Variants in TMEM164 observed in about 807,000 individuals in gnomAD.
The protein encoded by TMEM164 is RP13-360B22.2.
TMEM164 carries 4 observed loss-of-function variants against 18.8 expected under a neutral mutation model. The observed-to-expected ratio is 0.21, with a 90% CI of 0.10 to 0.49. The LOEUF (loss-of-function observed/expected upper bound fraction) is 0.49. Ranked by LOEUF, TMEM164 falls within the 20% of genes least tolerant of loss-of-function variation. The pLI, the probability that TMEM164 is intolerant of heterozygous loss-of-function variation, is 0.98. For synonymous variants in TMEM164, 86 were observed against 101.7 expected (o/e 0.85, Z 0.93); for missense variants, 108 against 239.9 (o/e 0.45, Z 3.63).
intron 2 of TMEM164, among the ~76,000 whole-genome samples, chrX:110,043,445 G>A (rs781439537): frequency 1.8e-5 from 2 of 111,870 alleles, no homozygotes; most frequent in Non-Finnish European, 3.8e-5. Context: ...CCATGTGTTT[G>A]ATCTCTTTAC....
At chrX:110,095,727 C>T (rs1483126053) in intron 3 of TMEM164, among the ~76,000 whole-genome samples, 2 of 112,401 alleles carry the variant, frequency 1.8e-5, no homozygotes, top group African/African-American at 3.2e-5. Context: ...CCATTGCTAG[C>T]GAGGAGCTAT....
chrX:110,063,859 G>T (rs1019412319), intron 2 of TMEM164, among the ~76,000 whole-genome samples: 1 of 110,996 alleles, frequency 9.0e-6, no homozygotes, highest in African/African-American at 3.3e-5. Flanking sequence ...CTGGCTGATG[G>T]CACAGGTGTG....
intron 2 of TMEM164, among the ~76,000 whole-genome samples, chrX:110,044,219 A>G (rs1455160565): frequency 1.8e-5 from 2 of 112,870 alleles, no homozygotes; most frequent in African/African-American, 6.4e-5. Flanking sequence ...ATAAGACTAC[A>G]TATCAAATTC....
chrX:110,132,999 C>T, intron 4 of TMEM164, among the ~76,000 whole-genome samples: 1 of 111,960 alleles, frequency 8.9e-6, no homozygotes, highest in African/African-American at 3.3e-5. Flanking sequence ...TATTTCCTCA[C>T]AGTTCTGGAG....
At chrX:110,012,260 C>T (rs1045081236) in intron 2 of TMEM164, among the ~76,000 whole-genome samples, 4 of 111,940 alleles carry the variant, frequency 3.6e-5, no homozygotes, top group East Asian at 2.8e-4. Flanking sequence ...CTCTTCTTCC[C>T]TGTTTCCAAG....
chrX:110,094,832 A>G (rs2065988403), intron 3 of TMEM164, among the ~76,000 whole-genome samples: 1 of 111,241 alleles, frequency 9.0e-6, no homozygotes, highest in Admixed American at 9.6e-5. Context: ...GTTTCTTTCC[A>G]TGTTTAGTGT....
intron 3 of TMEM164, among the ~76,000 whole-genome samples, chrX:110,096,497 A>T (rs2066020988): frequency 2.7e-5 from 3 of 112,769 alleles, no homozygotes; most frequent in African/African-American, 9.7e-5. Context: ...CAGGTGCGAG[A>T]TATAATCTCC....
chrX:110,122,122 A>G (rs2066457848), intron 4 of TMEM164, among the ~76,000 whole-genome samples: 1 of 110,716 alleles, frequency 9.0e-6, no homozygotes, highest in Admixed American at 9.7e-5. Flanking sequence ...AGACACATGC[A>G]CATGTATGTT....
At chrX:110,058,891 A>C (rs181178268) in intron 2 of TMEM164, among the ~76,000 whole-genome samples, 149 of 109,371 alleles carry the variant, frequency 1.4e-3, no homozygotes, top group Admixed American at 6.4e-3. Flanking sequence ...TCGGCCTCCC[A>C]AAGTGCTGGG....
intron 2 of TMEM164, among the ~76,000 whole-genome samples, chrX:110,039,328 G>A (rs940410622): frequency 7.1e-5 from 8 of 112,423 alleles, no homozygotes; most frequent in Non-Finnish European, 1.1e-4. Flanking sequence ...TTATCCTCAG[G>A]GCAAGAGACA....
chrX:110,050,281 G>A (rs1935499178), intron 2 of TMEM164, among the ~76,000 whole-genome samples: 2 of 111,630 alleles, frequency 1.8e-5, no homozygotes, highest in Admixed American at 1.9e-4. Context: ...TCCTCATAAT[G>A]TGGCAAAACA....
chrX:110,120,036 G>A lies in TMEM164; in HGVS notation c.507+10890G>A, dbSNP rs138123674. Among the ~76,000 whole-genome samples, 507 of 112,154 alleles carry A rather than the reference G, an allele frequency of 4.5e-3. 1 individual carries two copies. Among genetic ancestry groups the A allele is most frequent in the African/African-American group, 0.015 (465 of 30,918 alleles). Reference sequence around the variant, plus strand: ...GACAGCCTGTTTGATTAGGGAACTGGCCAATCTGCTTTTCTCCCTCCTGAC... The same window carrying A: ...GACAGCCTGTTTGATTAGGGAACTGACCAATCTGCTTTTCTCCCTCCTGAC... On this transcript the variant is annotated intron_variant, in intron 4 of 6. Coordinates refer to ENST00000372068, the MANE Select transcript of TMEM164 (RefSeq NM_032227.4).
intron 3 of TMEM164, among the ~76,000 whole-genome samples, chrX:110,072,227 G>A (rs760995171): frequency 1.4e-4 from 15 of 105,909 alleles, no homozygotes; most frequent in Non-Finnish European, 2.7e-4. Context: ...CTTGAACTTG[G>A]GAGGCGGAGG....
At position 110,176,144 on chromosome X, in the gene TMEM164, A is replaced by C. The variant is rs2067287103; in HGVS notation, c.*2693A>C. On this transcript the variant is annotated 3_prime_UTR_variant, in exon 7 of 7. Transcript: ENST00000372068. Reference sequence around the variant, plus strand: ...TGTGAGGGTGTTTGTAGAAGAGGGCAGTTTCCTTTCAAATGGCCTTAGGAA... The same window carrying C: ...TGTGAGGGTGTTTGTAGAAGAGGGCCGTTTCCTTTCAAATGGCCTTAGGAA... 2.6e-6 allele frequency: 2 copies of C among 755,120 alleles called. No individual in the cohort carries two copies. The highest frequency in any genetic ancestry group is 1.4e-4 in the South Asian group (2 of 14,760). The allele number at this position is 755,120 out of a possible 1,213,427, so 62.2% of individuals were successfully genotyped here. A position where few individuals can be genotyped will look rare whatever the true frequency, so the allele number is the denominator to read the frequency against.
intron 2 of TMEM164, among the ~76,000 whole-genome samples, chrX:110,004,641 C>T (rs1932567857): frequency 8.9e-6 from 1 of 112,248 alleles, no homozygotes; most frequent in Non-Finnish European, 1.9e-5. Flanking sequence ...AATACTTTTA[C>T]AGGTTTCTCT....
chrX:110,095,197 C>G (rs1430805617), intron 3 of TMEM164, among the ~76,000 whole-genome samples: 2 of 111,384 alleles, frequency 1.8e-5, no homozygotes, highest in Non-Finnish European at 1.9e-5. Context: ...GCGGTGTTCT[C>G]TGTATTTCCT....
At chrX:110,042,641 A>G (rs1935146333) in intron 2 of TMEM164, among the ~76,000 whole-genome samples, 1 of 111,992 alleles carries the variant, frequency 8.9e-6, no homozygotes, top group Non-Finnish European at 1.9e-5. Flanking sequence ...CATTCCCACC[A>G]GTAATGTACA....
chrX:110,030,438 A>T, intron 2 of TMEM164, among the ~76,000 whole-genome samples: 1 of 104,089 alleles, frequency 9.6e-6, no homozygotes. Flanking sequence ...TTTTTTTTTA[A>T]CATTTTTTTT....
At chrX:110,108,068 CTG>C (rs56714507) in intron 3 of TMEM164, among the ~76,000 whole-genome samples, 1,571 of 46,290 alleles carry the variant, frequency 0.034, 15 homozygotes, top group South Asian at 0.049. Context: ...AGGAGGTATG[CTG>C]TGTGTGTGTG....
Sources: gnomAD v4.1 joint callset for allele counts (sites outside exome capture counted in the v4.1 genomes callset) on GRCh38, gnomAD v4.1.1 for gene constraint, MANE v1.5 for transcripts, NCBI Gene and HGNC (gene_info 2026-07-23, HGNC 2026-07-21) for gene names.